The following UBE3C variants were observed in gnomAD, a reference collection of about 807,000 sequenced individuals.
UBE3C encodes ubiquitin-protein ligase E3C.
Under a neutral mutation model 129.4 loss-of-function variants are expected in UBE3C, and 42 were observed. That is an observed-to-expected ratio of 0.32 (90% CI 0.25 to 0.42). UBE3C has a LOEUF of 0.42. Ranked by LOEUF, UBE3C falls within the 10% of genes least tolerant of loss-of-function variation. The probability of loss-of-function intolerance (pLI) is 1.00; values close to 1 mark genes in which losing one functional copy is unlikely to be tolerated. For missense variants in UBE3C, 1,049 were observed against 1,319.1 expected (o/e 0.80, Z 3.17); for synonymous variants, 510 against 492.4 (o/e 1.04, Z -0.47).
At chr7:157,252,012 T>C (rs1584822808) in intron 19 of UBE3C, among the ~76,000 whole-genome samples, 2 of 152,144 alleles carry the variant, frequency 1.3e-5, no homozygotes, top group African/African-American at 4.8e-5. Flanking sequence ...GATGTGCACC[T>C]GTAATCCCAG....
chr7:157,219,832 G>A (rs538897998), intron 14 of UBE3C, among the ~76,000 whole-genome samples: 27 of 152,062 alleles, frequency 1.8e-4, no homozygotes, highest in African/African-American at 6.0e-4. Flanking sequence ...CTGGGAGGCA[G>A]AGGTTGCAGT....
chr7:157,204,819 A>C (rs963117568), intron 11 of UBE3C, among the ~76,000 whole-genome samples: 3 of 152,180 alleles, frequency 2.0e-5, no homozygotes, highest in African/African-American at 7.2e-5. Flanking sequence ...GCTGTTTGAT[A>C]AATAATCTCA....
At chr7:157,185,189 C>G (rs369409449) in intron 9 of UBE3C, among the ~76,000 whole-genome samples, 1 of 152,180 alleles carries the variant, frequency 6.6e-6, no homozygotes, top group Admixed American at 6.5e-5. Flanking sequence ...GCTTTCTCAG[C>G]GAGAGAGAGG....
chr7:157,220,883 C>G (rs1265096325), intron 15 of UBE3C, 107 bp downstream of exon 15: 1 of 1,284,130 alleles, frequency 7.8e-7, no homozygotes, highest in Non-Finnish European at 1.1e-6. Flanking sequence ...ACAGCCATGT[C>G]ACTCCCAGCA....
At chr7:157,149,392 G>T (rs143560765) in intron 1 of UBE3C, among the ~76,000 whole-genome samples, 466 of 152,200 alleles carry the variant, frequency 3.1e-3, no homozygotes, top group African/African-American at 0.011. Context: ...GAAACCAAGC[G>T]GAATGGAAGG....
chr7:157,172,512 G>A (rs1339124818), intron 4 of UBE3C, among the ~76,000 whole-genome samples: 1 of 152,084 alleles, frequency 6.6e-6, no homozygotes, highest in Non-Finnish European at 1.5e-5. Context: ...TATTCCTCTA[G>A]TGTTTGGCTT....
intron 16 of UBE3C, among the ~76,000 whole-genome samples, chr7:157,223,976 T>C (rs1795806049): frequency 6.6e-6 from 1 of 152,138 alleles, no homozygotes; most frequent in African/African-American, 2.4e-5. Flanking sequence ...TGTGAAGATA[T>C]GCTTCTGTAC....
At position 157,220,805 on chromosome 7, in the gene UBE3C, A is replaced by G. The variant is rs200049102; in HGVS notation, c.2002+29A>G. 12 of 1,610,122 alleles carry G rather than the reference A, an allele frequency of 7.5e-6. No homozygotes were observed. In the African/African-American group the frequency reaches 1.5e-4, roughly 20 times the overall value. On this transcript the variant is annotated intron_variant, in intron 15 of 22. Coordinates refer to ENST00000348165, the MANE Select transcript of UBE3C (RefSeq NM_014671.3). ...AGTTCTCTAGGACACAGGGTTACTG[A>G]GGTATGAATTACATGCTGTCAAATT...
intron 15 of UBE3C, 118 bp from the exon 16 acceptor site, chr7:157,223,135 CT>C (rs1416435203): frequency 1.9e-6 from 2 of 1,069,258 alleles, no homozygotes; most frequent in Non-Finnish European, 2.8e-6. Context: ...GTTCATGGAA[CT>C]GGATTTAGAT....
intron 10 of UBE3C, among the ~76,000 whole-genome samples, chr7:157,201,444 A>G (rs1809278695): frequency 7.5e-6 from 1 of 132,776 alleles, no homozygotes; most frequent in Non-Finnish European, 1.6e-5. Context: ...AACAGCTTAT[A>G]TCTTTATCTT....
chr7:157,216,352 G>T (rs1464470457), intron 13 of UBE3C, among the ~76,000 whole-genome samples: 6 of 145,066 alleles, frequency 4.1e-5, no homozygotes, highest in Admixed American at 6.9e-5. Context: ...AGATTCGTGG[G>T]TTTTTTTTTT....
chr7:157,172,163 C>T (rs568092545), intron 4 of UBE3C, among the ~76,000 whole-genome samples: 1 of 151,908 alleles, frequency 6.6e-6, no homozygotes, highest in East Asian at 1.9e-4. Flanking sequence ...CCCTGAGTAA[C>T]TGGGGTTACA....
intron 10 of UBE3C, chr7:157,192,726 C>T: frequency 1.2e-6 from 1 of 851,910 alleles, no homozygotes; most frequent in Admixed American, 1.8e-5. Context: ...TCGAGAGTGC[C>T]CTTCTGATGA....
At chr7:157,179,259 T>TC (rs1200100291) in intron 6 of UBE3C, among the ~76,000 whole-genome samples, 1 of 151,966 alleles carries the variant, frequency 6.6e-6, no homozygotes, top group Non-Finnish European at 1.5e-5. Flanking sequence ...TGAACATCAC[T>TC]CCAAGAGCCT....
chr7:157,265,308 T>C (rs1335685436), intron 22 of UBE3C, among the ~76,000 whole-genome samples: 7 of 152,190 alleles, frequency 4.6e-5, no homozygotes, highest in Non-Finnish European at 1.0e-4. Context: ...ATCTGTGCCT[T>C]ATTGTCTTCC....
chr7:157,139,403 A>C, intron 1 of UBE3C, 65 bp downstream of exon 1: 1 of 1,432,086 alleles, frequency 7.0e-7, no homozygotes. Context: ...CGGGGCTGGG[A>C]CTCGGGGCTG....
chr7:157,246,960 G>A (rs551932651), intron 18 of UBE3C, among the ~76,000 whole-genome samples: 63 of 152,228 alleles, frequency 4.1e-4, no homozygotes, highest in African/African-American at 1.1e-3. Flanking sequence ...GCACAATCTC[G>A]GCTCACTGCA....
intron 10 of UBE3C, among the ~76,000 whole-genome samples, chr7:157,194,866 T>G (rs1198830227): frequency 6.6e-6 from 1 of 152,218 alleles, no homozygotes; most frequent in Non-Finnish European, 1.5e-5. Flanking sequence ...CCAAGCAAGC[T>G]GTGGAAGGTA....
chr7:157,240,471 C>T (rs771509241), intron 18 of UBE3C, among the ~76,000 whole-genome samples: 8 of 152,072 alleles, frequency 5.3e-5, no homozygotes, highest in Non-Finnish European at 8.8e-5. Flanking sequence ...GCCCACTTGA[C>T]GTTAATATCA....
Sources: allele counts gnomAD v4.1 joint callset (sites outside exome capture counted in the v4.1 genomes callset), GRCh38; gene constraint gnomAD v4.1.1; transcripts MANE v1.5; gene names NCBI Gene and HGNC (gene_info 2026-07-23, HGNC 2026-07-21).